The following MCTP1 variants were observed in gnomAD, a reference collection of about 807,000 sequenced individuals.
MCTP1 encodes multiple C2 and transmembrane domain containing 1.
In MCTP1, 69 loss-of-function variants were observed where a neutral mutation model predicts 120.6. That is an observed-to-expected ratio of 0.57 (90% CI 0.47 to 0.70). MCTP1 has a LOEUF of 0.70. Ranked by LOEUF, MCTP1 falls within the 30% of genes least tolerant of loss-of-function variation. The pLI is 0.00. For missense variants in MCTP1, 1,203 were observed against 1,248.8 expected (o/e 0.96, Z 0.55); for synonymous variants, 529 against 493.1 (o/e 1.07, Z -0.96).
In MCTP1 at chr5:94,705,512, A is replaced by G. The variant is rs1374849518; in HGVS notation, c.*1984T>C. On this transcript the variant is annotated 3_prime_UTR_variant, in exon 23 of 23. Coordinates refer to ENST00000515393, the MANE Select transcript of MCTP1 (RefSeq NM_024717.7). Reference sequence around the variant, plus strand: ...CTCATCAATCTCTGAACCACCAAAAAAAAAAAAAAAAGGAGTGCTGATTAT... The same window carrying G: ...CTCATCAATCTCTGAACCACCAAAAGAAAAAAAAAAAGGAGTGCTGATTAT... The G allele has an allele frequency of 2.6e-5, 4 of 151,174 alleles. No homozygotes were observed. The highest frequency in any genetic ancestry group is 4.4e-5 in the Non-Finnish European group (3 of 67,548). 9.4% of individuals were successfully genotyped at this position (151,174 alleles called of 1,614,324 possible).
chr5:94,726,593 TTAAA>T (rs1358075763), intron 19 of MCTP1, among the ~76,000 whole-genome samples: 33 of 151,704 alleles, frequency 2.2e-4, no homozygotes, highest in Non-Finnish European at 4.4e-4. Flanking sequence ...TTTTTTTTTC[TTAAA>T]TAGATTTGTT....
intron 17 of MCTP1, among the ~76,000 whole-genome samples, chr5:94,824,734 A>C (rs570406642): frequency 6.6e-6 from 1 of 152,194 alleles, no homozygotes; most frequent in Non-Finnish European, 1.5e-5. Context: ...TGGTCTATTC[A>C]GGGATGCAAT....
chr5:94,721,857 T>TA (rs1475263351), intron 19 of MCTP1, among the ~76,000 whole-genome samples: 1 of 143,098 alleles, frequency 7.0e-6, no homozygotes, highest in Admixed American at 7.0e-5. Flanking sequence ...TTTTTTTTTT[T>TA]AATGCATTAT....
At chr5:94,731,868 A>AT (rs1048352983) in intron 19 of MCTP1, among the ~76,000 whole-genome samples, 1 of 152,222 alleles carries the variant, frequency 6.6e-6, no homozygotes, top group Non-Finnish European at 1.5e-5. Context: ...TAATTTTTAC[A>AT]TTCTTGTTTT....
Position 95,188,672 on chromosome 5 carries a change from C to T in MCTP1, c.720+95184G>A, listed in dbSNP as rs1749497701. Among the ~76,000 whole-genome samples, 5 of 152,020 alleles carry T rather than the reference C, an allele frequency of 3.3e-5. No homozygotes were observed. In the South Asian group the frequency reaches 1.0e-3, roughly 32 times the overall value. ...AGATGGAGAATATATTACTCATTTC[C>T]AGGGGTTGGGGATGGAGGAGATGTA... On this transcript the variant is annotated intron_variant, in intron 1 of 22. Coordinates refer to ENST00000515393, the MANE Select transcript of MCTP1 (RefSeq NM_024717.7).
At chr5:94,827,697 C>CT (rs1281813659) in intron 17 of MCTP1, among the ~76,000 whole-genome samples, 3 of 151,458 alleles carry the variant, frequency 2.0e-5, no homozygotes, top group African/African-American at 7.3e-5. Flanking sequence ...CTTTTCTTCA[C>CT]TTTTTTTTCA....
intron 17 of MCTP1, among the ~76,000 whole-genome samples, chr5:94,854,707 T>C (rs1297468724): frequency 6.6e-6 from 1 of 151,880 alleles, no homozygotes; most frequent in Non-Finnish European, 1.5e-5. Flanking sequence ...CTCATCAGGG[T>C]AAGTATGCTT....
chr5:95,042,322 G>A (rs554135651), intron 1 of MCTP1, among the ~76,000 whole-genome samples: 23 of 152,142 alleles, frequency 1.5e-4, no homozygotes, highest in Non-Finnish European at 2.4e-4. Context: ...CAAACACTTG[G>A]CAATTTAAAC....
At chr5:95,058,437 C>T (rs1747998145) in intron 1 of MCTP1, among the ~76,000 whole-genome samples, 1 of 152,136 alleles carries the variant, frequency 6.6e-6, no homozygotes, top group South Asian at 2.1e-4. Flanking sequence ...AAGTGAATTC[C>T]AGTCCTGGGT....
At chr5:95,088,633 A>C (rs1255744633) in intron 1 of MCTP1, among the ~76,000 whole-genome samples, 2 of 152,240 alleles carry the variant, frequency 1.3e-5, no homozygotes, top group African/African-American at 4.8e-5. Context: ...ATCCTCAAAC[A>C]CTACGACTTG....
At chr5:94,976,030 A>G (rs942916648) in intron 2 of MCTP1, among the ~76,000 whole-genome samples, 2 of 152,078 alleles carry the variant, frequency 1.3e-5, no homozygotes, top group African/African-American at 4.8e-5. Flanking sequence ...AACACAACCT[A>G]ATGAGGTAAC....
intron 17 of MCTP1, among the ~76,000 whole-genome samples, chr5:94,815,308 T>C (rs1038262283): frequency 6.6e-6 from 1 of 152,174 alleles, no homozygotes; most frequent in African/African-American, 2.4e-5. Flanking sequence ...TTAATACATG[T>C]GTTTGTTAGC....
intron 2 of MCTP1, among the ~76,000 whole-genome samples, chr5:94,974,911 T>C (rs1827762232): frequency 6.6e-6 from 1 of 152,178 alleles, no homozygotes; most frequent in African/African-American, 2.4e-5. Context: ...GGTAATGAAA[T>C]AATACATTTC....
At chr5:95,044,509 C>G (rs1842846344) in intron 1 of MCTP1, among the ~76,000 whole-genome samples, 1 of 152,134 alleles carries the variant, frequency 6.6e-6, no homozygotes, top group South Asian at 2.1e-4. Context: ...CTTTAGGTAG[C>G]ACCTGTTCTC....
chr5:95,137,594 A>G (rs1316736054), intron 1 of MCTP1, among the ~76,000 whole-genome samples: 1 of 152,230 alleles, frequency 6.6e-6, no homozygotes, highest in Admixed American at 6.5e-5. Context: ...GGCCACTACT[A>G]AGATCAAAGA....
chr5:95,125,705 G>T (rs1294952430), intron 1 of MCTP1, among the ~76,000 whole-genome samples: 1 of 152,160 alleles, frequency 6.6e-6, no homozygotes, highest in African/African-American at 2.4e-5. Flanking sequence ...TTATTGACTG[G>T]TGTATTCCAA....
chr5:94,777,655 G>A (rs1312028278), intron 19 of MCTP1, among the ~76,000 whole-genome samples: 1 of 152,130 alleles, frequency 6.6e-6, no homozygotes, highest in Non-Finnish European at 1.5e-5. Context: ...GAGAAATGAT[G>A]ATTCAGAGCT....
chr5:94,777,941 T>TGG (rs1417644997), intron 19 of MCTP1, among the ~76,000 whole-genome samples: 3 of 151,724 alleles, frequency 2.0e-5, no homozygotes, highest in Non-Finnish European at 4.4e-5. Context: ...TGTGTGTGTG[T>TGG]GTGTGTGTGT....
chr5:95,031,347 C>T (rs1290620948), intron 1 of MCTP1, among the ~76,000 whole-genome samples: 1 of 151,310 alleles, frequency 6.6e-6, no homozygotes, highest in African/African-American at 2.4e-5. Context: ...TTTCCAAGGT[C>T]AACATGAAAG....
Sources: gnomAD v4.1 joint callset for allele counts (sites outside exome capture counted in the v4.1 genomes callset) on GRCh38, gnomAD v4.1.1 for gene constraint, MANE v1.5 for transcripts, NCBI Gene and HGNC (gene_info 2026-07-23, HGNC 2026-07-21) for gene names.